NAV2: variants seen among roughly 807,000 people sequenced by gnomAD.
The protein encoded by NAV2 is neuron navigator 2, also known as helicase, APC down-regulated 1.
In NAV2, 54 loss-of-function variants were observed where a neutral mutation model predicts 223.2. The ratio of observed to expected loss-of-function variants is 0.24; its 90% CI spans 0.19 to 0.30. The LOEUF is 0.30. Ranked by LOEUF, NAV2 falls within the 10% of genes least tolerant of loss-of-function variation. The probability of loss-of-function intolerance (pLI) is 1.00; values close to 1 mark genes in which losing one functional copy is unlikely to be tolerated. For synonymous variants in NAV2, 1,279 were observed against 1,239.3 expected (o/e 1.03, Z -0.67); for missense variants, 2,806 against 3,147.5 (o/e 0.89, Z 2.60).
rs1472176022 is a variant in NAV2 at position 20,049,917 on chromosome 11, G to C, written c.4436+16G>C. 3 of 1,613,400 alleles carry C rather than the reference G, an allele frequency of 1.9e-6. No homozygotes were observed. Among genetic ancestry groups the C allele is most frequent in the Non-Finnish European group, 2.5e-6 (3 of 1,179,472 alleles). Reference sequence around the variant, plus strand: ...AACAGGACAGGTAATGACATTGCAGGCCGGGGACCAACCGAGCCTCTAGGT... The same window carrying C: ...AACAGGACAGGTAATGACATTGCAGCCCGGGGACCAACCGAGCCTCTAGGT... On this transcript the variant is annotated intron_variant, in intron 16 of 37. Transcript: ENST00000349880.
chr11:19,877,470 C>CTTTTTTTTTTTTTTCTTT (rs1555114909), intron 4 of NAV2, among the ~76,000 whole-genome samples: 1 of 82,622 alleles, frequency 1.2e-5, no homozygotes, highest in Non-Finnish European at 2.2e-5. Context: ...TATCTTCATT[C>CTTTTTTTTTTTTTTCTTT]TTTTTTTTTT....
intron 2 of NAV2, among the ~76,000 whole-genome samples, chr11:19,842,661 A>T (rs534717529): frequency 6.6e-6 from 1 of 152,222 alleles, no homozygotes; most frequent in Admixed American, 6.5e-5. Flanking sequence ...GTTTTAGATG[A>T]CGACCTTGCC....
At chr11:19,585,090 T>C (rs2045850476) in intron 1 of NAV2, among the ~76,000 whole-genome samples, 1 of 152,222 alleles carries the variant, frequency 6.6e-6, no homozygotes, top group Non-Finnish European at 1.5e-5. Context: ...ATATTTAGGA[T>C]AGTTAGCTCT....
chr11:19,571,033 C>T (rs1419885982), intron 1 of NAV2, among the ~76,000 whole-genome samples: 1 of 152,034 alleles, frequency 6.6e-6, no homozygotes, highest in Non-Finnish European at 1.5e-5. Context: ...GGAAACAACC[C>T]AAATGTCTAT....
chr11:20,032,035 G>A (rs2055811714), intron 11 of NAV2, among the ~76,000 whole-genome samples: 1 of 152,124 alleles, frequency 6.6e-6, no homozygotes, highest in Admixed American at 6.6e-5. Context: ...TACCCTGAAT[G>A]GGAAAAGGAC....
At chr11:19,609,166 G>A (rs1224512019) in intron 1 of NAV2, among the ~76,000 whole-genome samples, 5 of 152,190 alleles carry the variant, frequency 3.3e-5, no homozygotes, top group Admixed American at 2.0e-4. Context: ...TAGATGGCAC[G>A]ATTCTGCCTA....
intron 11 of NAV2, among the ~76,000 whole-genome samples, chr11:20,018,627 G>A (rs548436215): frequency 6.6e-6 from 1 of 152,156 alleles, no homozygotes; most frequent in Admixed American, 6.5e-5. Flanking sequence ...GTCCTCCTAT[G>A]CTTGGTTGAT....
At chr11:19,390,701 G>C (rs188416246) in intron 1 of NAV2, among the ~76,000 whole-genome samples, 1 of 152,258 alleles carries the variant, frequency 6.6e-6, no homozygotes, top group Admixed American at 6.5e-5. Context: ...GTGGTGAAGG[G>C]GAGGGGAGGG....
At chr11:19,911,702 T>C (rs2585764) in intron 6 of NAV2, among the ~76,000 whole-genome samples, 47,633 of 151,916 alleles carry the variant, frequency 0.31, 10,913 homozygotes, top group African/African-American at 0.63. Context: ...CTAGAATGCC[T>C]ACCCAAGCCA....
At chr11:19,419,936 C>G (rs557966941) in intron 1 of NAV2, among the ~76,000 whole-genome samples, 1 of 152,138 alleles carries the variant, frequency 6.6e-6, no homozygotes. Context: ...GTGAGATGAA[C>G]GAATGAGCAA....
intron 1 of NAV2, among the ~76,000 whole-genome samples, chr11:19,564,654 T>TAATCCAGAGCCAAGAGTC (rs59865805): frequency 0.054 from 8,158 of 152,138 alleles, 487 homozygotes; most frequent in African/African-American, 0.14. Context: ...ACCTGCCCTC[T>TAATCCAGAGCCAAGAGTC]AGTTCCCTTC....
intron 6 of NAV2, among the ~76,000 whole-genome samples, chr11:19,926,255 A>G (rs1336127781): frequency 6.6e-6 from 1 of 152,228 alleles, no homozygotes; most frequent in Non-Finnish European, 1.5e-5. Context: ...GGAATTATAG[A>G]CACAATAAGC....
intron 1 of NAV2, among the ~76,000 whole-genome samples, chr11:19,754,522 A>C (rs1443493632): frequency 6.6e-6 from 1 of 152,228 alleles, no homozygotes; most frequent in Non-Finnish European, 1.5e-5. Context: ...CTGAGGCTGA[A>C]GCAAACATTT....
At chr11:19,987,978 G>A (rs1225577491) in intron 11 of NAV2, among the ~76,000 whole-genome samples, 2 of 152,220 alleles carry the variant, frequency 1.3e-5, no homozygotes, top group Non-Finnish European at 2.9e-5. Flanking sequence ...ATATGGCAAG[G>A]AGGGCCAAGA....
chr11:20,103,278 C>A lies in NAV2; in HGVS notation c.6441C>A (p.Asn2147Lys). 1 of 1,613,864 alleles carries A rather than the reference C, an allele frequency of 6.2e-7. No individual in the cohort carries two copies. The highest frequency in any genetic ancestry group is 1.7e-5 in the Admixed American group (1 of 59,986). The part of the protein sequence containing the change: ...SSKELRQYLS[N>K]LADQCNSENN... Reference sequence around the variant, plus strand: ...AGGAATTGCGCCAGTACCTGTCCAACCTTGCTGACCAGTGCAACAGTGAGA... The same window carrying A: ...AGGAATTGCGCCAGTACCTGTCCAAACTTGCTGACCAGTGCAACAGTGAGA... The change falls in exon 33 of 38, where the codon AAC (asparagine) becomes AAA (lysine). Residue 2147 changes from asparagine to lysine, a missense_variant. Coordinates refer to ENST00000349880, the MANE Select transcript of NAV2 (RefSeq NM_145117.5).
intron 1 of NAV2, among the ~76,000 whole-genome samples, chr11:19,642,000 T>C (rs953003400): frequency 5.3e-5 from 8 of 152,218 alleles, no homozygotes; most frequent in Admixed American, 4.6e-4. Flanking sequence ...ATACCTAGAA[T>C]AGTGATTGGC....
intron 1 of NAV2, among the ~76,000 whole-genome samples, chr11:19,577,468 G>A (rs1333113069): frequency 2.0e-5 from 3 of 152,230 alleles, no homozygotes; most frequent in African/African-American, 7.2e-5. Context: ...CCTGGCCTCT[G>A]GGCCCTGACC....
At chr11:19,536,032 A>G (rs1231271261) in intron 1 of NAV2, among the ~76,000 whole-genome samples, 1 of 152,212 alleles carries the variant, frequency 6.6e-6, no homozygotes, top group African/African-American at 2.4e-5. Flanking sequence ...AGAGGGGGTT[A>G]AGTTACTTGA....
Position 20,118,339 on chromosome 11 carries a change from C to G in NAV2, c.*81C>G. On this transcript the variant is annotated 3_prime_UTR_variant, in exon 38 of 38. Coordinates refer to ENST00000349880, the MANE Select transcript of NAV2 (RefSeq NM_145117.5). ...CCCCACATCACCCTGAAGATGACTT[C>G]CTGAGCCAGCCCCCAGCCACAGCCT... The G allele has an allele frequency of 6.7e-7, 1 of 1,501,464 alleles. No individual in the cohort carries two copies. The highest frequency in any genetic ancestry group is 9.1e-7 in the Non-Finnish European group (1 of 1,099,740). 93.0% of individuals were successfully genotyped at this position (1,501,464 alleles called of 1,614,324 possible).
Sources: allele counts gnomAD v4.1 joint callset (sites outside exome capture counted in the v4.1 genomes callset), GRCh38; gene constraint gnomAD v4.1.1; transcripts MANE v1.5; gene names NCBI Gene and HGNC (gene_info 2026-07-23, HGNC 2026-07-21).